Variants in HNF4A observed in about 807,000 individuals in gnomAD.
The protein encoded by HNF4A is hepatocyte nuclear factor 4-alpha.
In HNF4A, 15 loss-of-function variants were observed where a neutral mutation model predicts 52.4. The observed-to-expected ratio is 0.29, with a 90% CI of 0.19 to 0.44. The LOEUF (loss-of-function observed/expected upper bound fraction) is 0.44. HNF4A is among the 20% of genes least tolerant of loss of function. HNF4A has a pLI of 1.00. For missense variants in HNF4A, 479 were observed against 647.2 expected (o/e 0.74, Z 2.82); for synonymous variants, 280 against 264.4 (o/e 1.06, Z -0.57).
chr20:44,420,846 C>G (rs1252016489), intron 7 of HNF4A, among the ~76,000 whole-genome samples: 2 of 152,074 alleles, frequency 1.3e-5, no homozygotes, highest in Non-Finnish European at 2.9e-5. Flanking sequence ...ATAAATAAAT[C>G]TACACATACT....
At chr20:44,391,174 C>T (rs1197262372) in intron 1 of HNF4A, among the ~76,000 whole-genome samples, 4 of 152,138 alleles carry the variant, frequency 2.6e-5, no homozygotes, top group Admixed American at 6.5e-5. Context: ...CTTGTCTCAT[C>T]GGCCATGCTT....
In HNF4A at chr20:44,430,403, A is replaced by G. The variant is rs2063864395; in HGVS notation, c.*738A>G. The stretch of plus-strand genomic sequence containing the variant: ...TGGGTGAGGATCCCTGAAGGCCTTC[A>G]ACCCGAGAAAACAAACCCAGGTTGG... On this transcript the variant is annotated 3_prime_UTR_variant, in exon 10 of 10. Coordinates refer to ENST00000316099, the MANE Select transcript of HNF4A (RefSeq NM_000457.6). The G allele has an allele frequency of 6.6e-6, 1 of 152,414 alleles. No homozygotes were observed. The highest frequency in any genetic ancestry group is 1.5e-5 in the Non-Finnish European group (1 of 68,114). 9.4% of individuals were successfully genotyped at this position (152,414 alleles called of 1,614,324 possible). A position where few individuals can be genotyped will look rare whatever the true frequency, so the allele number is the denominator to read the frequency against.
intron 1 of HNF4A, among the ~76,000 whole-genome samples, chr20:44,387,632 TGAAGG>T (rs1458141088): frequency 1.8e-5 from 1 of 56,114 alleles, no homozygotes; most frequent in Non-Finnish European, 3.3e-5. Context: ...GGAGAAAAAG[TGAAGG>T]GGTGGGGTGG....
chr20:44,374,082 G>A (rs2063060647), intron 1 of HNF4A, among the ~76,000 whole-genome samples: 1 of 152,140 alleles, frequency 6.6e-6, no homozygotes, highest in Non-Finnish European at 1.5e-5. Context: ...CTATGATTGA[G>A]CTCATCACCC....
At chr20:44,403,194 G>C (rs528055510) in intron 1 of HNF4A, among the ~76,000 whole-genome samples, 1 of 152,200 alleles carries the variant, frequency 6.6e-6, no homozygotes, top group African/African-American at 2.4e-5. Context: ...CTGAGGCAGA[G>C]GCCAAGCCCC....
chr20:44,392,028 T>C lies in HNF4A; in HGVS notation c.50-14030T>C, dbSNP rs547366593. ...ACATACCTCAATAATATGACCGGTG[T>C]GCAGTCAAGATTTAGGCCCAGGTAC... is the stretch of plus-strand genomic sequence containing the variant. On this transcript the variant is annotated intron_variant, in intron 1 of 9. Transcript: ENST00000316673. 18 of 152,330 alleles carry C rather than the reference T, an allele frequency of 1.2e-4. No homozygotes were observed. In the East Asian group the frequency reaches 3.3e-3, roughly 28 times the overall value. 9.4% of individuals were successfully genotyped at this position (152,330 alleles called of 1,614,324 possible).
chr20:44,428,185 C>T, intron 8 of HNF4A, 150 bp from the exon 9 acceptor site: 2 of 778,666 alleles, frequency 2.6e-6, no homozygotes, highest in Non-Finnish European at 4.4e-6. Flanking sequence ...AATGGTACAC[C>T]CTAGTTTACT....
downstream of HNF4A, chr20:44,434,343 G>A (rs1208665665): frequency 2.0e-5 from 3 of 152,116 alleles, no homozygotes; most frequent in Non-Finnish European, 2.9e-5. Flanking sequence ...CCTTTTTAGC[G>A]AGAAGTTAAC....
chr20:44,359,002 G>A (rs929860097), intron 1 of HNF4A, among the ~76,000 whole-genome samples: 8 of 152,108 alleles, frequency 5.3e-5, no homozygotes, highest in Non-Finnish European at 8.8e-5. Flanking sequence ...TCTCGTCATC[G>A]CTCTGATCAG....
At position 44,420,596 on chromosome 20, in the gene HNF4A, A is replaced by G. The variant is rs1337204868; in HGVS notation, c.892+720A>G. Among the ~76,000 whole-genome samples, 3 of 152,156 alleles carry G rather than the reference A, an allele frequency of 2.0e-5. No homozygotes were observed. In the East Asian group the frequency reaches 5.8e-4, roughly 29 times the overall value. ...GGAGTTCGAGGCCAGCCTGGCCAAC[A>G]TAACAAGACCTCGTCTCTATAGAAA... On this transcript the variant is annotated intron_variant, in intron 7 of 9. Transcript: ENST00000316099.
chr20:44,407,366 C>T lies in HNF4A; in HGVS notation c.291-15C>T, dbSNP rs2063516005. ...GTTGTGTCTTCTCCATCCAACCATC[C>T]AAAGCCCTCCCCAGATTTAGCCGGC... On this transcript the variant is annotated splice_polypyrimidine_tract_variant and intron_variant, in intron 2 of 9. Transcript: ENST00000316099. 2 of 1,598,554 alleles carry T rather than the reference C, an allele frequency of 1.3e-6. No individual in the cohort carries two copies. Among genetic ancestry groups the T allele is most frequent in the Admixed American group, 1.7e-5 (1 of 59,386 alleles).
chr20:44,412,647 G>A (rs1057249185), intron 3 of HNF4A, among the ~76,000 whole-genome samples: 1 of 152,142 alleles, frequency 6.6e-6, no homozygotes, highest in Non-Finnish European at 1.5e-5. Flanking sequence ...GACTGCAGGC[G>A]CAAGGCAGAA....
At chr20:44,418,044 G>C (rs572814589) in intron 5 of HNF4A, among the ~76,000 whole-genome samples, 1 of 151,850 alleles carries the variant, frequency 6.6e-6, no homozygotes, top group Non-Finnish European at 1.5e-5. Context: ...TCCATGGGTG[G>C]GAATTTGGGA....
At chr20:44,387,697 T>A (rs1331696741) in intron 1 of HNF4A, among the ~76,000 whole-genome samples, 4 of 35,412 alleles carry the variant, frequency 1.1e-4, no homozygotes, top group Non-Finnish European at 2.6e-4. Flanking sequence ...GCGGGGGAGA[T>A]CCCCTCCCCA....
intron 8 of HNF4A, among the ~76,000 whole-genome samples, chr20:44,426,151 G>A (rs1050793751): frequency 5.3e-5 from 8 of 152,190 alleles, no homozygotes; most frequent in African/African-American, 1.9e-4. Context: ...GGCAATTCCA[G>A]AATCCAAGAG....
At position 44,414,657 on chromosome 20, in the gene HNF4A, G is replaced by A. The variant is rs768043933; in HGVS notation, c.643G>A (p.Asp215Asn). Residue 215 changes from aspartate to asparagine, a missense_variant, in exon 5 of 10, where the codon GAC becomes AAC. Physicochemically the swap from Asp to Asn is conservative, Grantham distance 23. Coordinates refer to ENST00000316099, the MANE Select transcript of HNF4A (RefSeq NM_000457.6). ...AGCTTTCTGCGAGCTCCCCCTGGAC[G>A]ACCAGGTGAGGATGGGCGTGGATGG... 15 of 1,603,590 alleles carry A rather than the reference G, an allele frequency of 9.4e-6. No homozygotes were observed. The highest frequency in any genetic ancestry group is 5.6e-5 in the South Asian group (5 of 89,532).
At chr20:44,404,428 C>G (rs1314969376) in intron 1 of HNF4A, among the ~76,000 whole-genome samples, 2 of 152,006 alleles carry the variant, frequency 1.3e-5, no homozygotes, top group Non-Finnish European at 2.9e-5. Flanking sequence ...AACTGGATGC[C>G]CCTGAGGAAT....
intron 3 of HNF4A, among the ~76,000 whole-genome samples, chr20:44,409,257 T>C (rs551696355): frequency 9.2e-5 from 14 of 152,202 alleles, no homozygotes; most frequent in African/African-American, 3.1e-4. Flanking sequence ...CCAAACCCAG[T>C]TTTCAATGGG....
At chr20:44,406,278 C>A in intron 2 of HNF4A, 46 bp downstream of exon 2, 5 of 1,567,152 alleles carry the variant, frequency 3.2e-6, no homozygotes, top group South Asian at 1.1e-5. Flanking sequence ...CACACTTGGG[C>A]TCATGGCCCC....
Sources: gnomAD v4.1 joint callset for allele counts (sites outside exome capture counted in the v4.1 genomes callset) on GRCh38, gnomAD v4.1.1 for gene constraint, MANE v1.5 for transcripts, NCBI Gene and HGNC (gene_info 2026-07-23, HGNC 2026-07-21) for gene names.